Variants in NCAPD3 observed in about 807,000 individuals in gnomAD.
NCAPD3 encodes the protein non-SMC condensin II complex subunit D3.
NCAPD3 carries 105 observed loss-of-function variants against 182.9 expected under a neutral mutation model. The ratio of observed to expected loss-of-function variants is 0.57; its 90% CI spans 0.49 to 0.68. The LOEUF (loss-of-function observed/expected upper bound fraction) is 0.68, where lower values mean the gene tolerates loss of function less well. Ranked by LOEUF, NCAPD3 falls within the 30% of genes least tolerant of loss-of-function variation. NCAPD3 has a pLI of 0.00. For synonymous variants in NCAPD3, 815 were observed against 679.9 expected (o/e 1.20, Z -3.09); for missense variants, 1,944 against 1,837.0 (o/e 1.06, Z -1.07).
At chr11:134,202,456 T>C (rs1389044692) in intron 13 of NCAPD3, among the ~76,000 whole-genome samples, 1 of 152,200 alleles carries the variant, frequency 6.6e-6, no homozygotes, top group Non-Finnish European at 1.5e-5. Flanking sequence ...GAGCTCACTG[T>C]AGCCTGGAAC....
intron 24 of NCAPD3, among the ~76,000 whole-genome samples, chr11:134,173,919 C>T (rs978494781): frequency 6.6e-6 from 1 of 151,558 alleles, no homozygotes; most frequent in African/African-American, 2.4e-5. Flanking sequence ...CGAGATCATG[C>T]CATTGCACTC....
chr11:134,205,529 G>A (rs375526133), intron 8 of NCAPD3, among the ~76,000 whole-genome samples: 148 of 151,944 alleles, frequency 9.7e-4, no homozygotes, highest in African/African-American at 3.3e-3. Context: ...ACAGGTGCCC[G>A]CCACCACGCC....
rs372398621 is a variant in NCAPD3, at chr11:134,158,018, C to T, written c.4084G>A (p.Val1362Met). The change falls in exon 31 of 35, where the codon GTG becomes ATG. Residue 1362 changes from valine (V) to methionine (M), a missense_variant. Coordinates refer to ENST00000534548, the MANE Select transcript of NCAPD3 (RefSeq NM_015261.3). Reference sequence around the variant, plus strand: ...CTCCGATGCCTGCTCTTTGACTCCACGGCTTTCTTGACAGAATTCAGGATT... The same window carrying T: ...CTCCGATGCCTGCTCTTTGACTCCATGGCTTTCTTGACAGAATTCAGGATT... ...IAILNSVKKA[V>M]ESKSRHRSRS... is the part of the protein sequence containing the mutation. 108 of 1,614,060 alleles carry T rather than the reference C, an allele frequency of 6.7e-5. 1 individual carries two copies. In the East Asian group the frequency reaches 1.6e-3, roughly 24 times the overall value.
chr11:134,154,252 C>G (rs755088258), intron 32 of NCAPD3, among the ~76,000 whole-genome samples: 1 of 152,162 alleles, frequency 6.6e-6, no homozygotes, highest in Non-Finnish European at 1.5e-5. Context: ...CCCTGCATCA[C>G]TGGAGTTATG....
chr11:134,158,299 G>A, intron 30 of NCAPD3, 30 bp downstream of exon 30: 2 of 1,612,598 alleles, frequency 1.2e-6, no homozygotes, highest in Non-Finnish European at 1.7e-6. Flanking sequence ...CAGAGAACCA[G>A]CCCTGATGTG....
intron 19 of NCAPD3, among the ~76,000 whole-genome samples, chr11:134,183,926 T>C (rs1280934556): frequency 2.6e-5 from 4 of 152,262 alleles, no homozygotes; most frequent in African/African-American, 9.6e-5. Context: ...ATTATTTAAT[T>C]TTTGTTTTCT....
intron 24 of NCAPD3, among the ~76,000 whole-genome samples, chr11:134,171,586 A>G (rs1944006987): frequency 6.6e-6 from 1 of 152,164 alleles, no homozygotes; most frequent in African/African-American, 2.4e-5. Flanking sequence ...CATTTATACC[A>G]GAATTCTACC....
intron 13 of NCAPD3, among the ~76,000 whole-genome samples, chr11:134,201,901 T>A (rs1944756751): frequency 6.6e-6 from 1 of 152,234 alleles, no homozygotes; most frequent in Admixed American, 6.5e-5. Flanking sequence ...GAACCCAATT[T>A]CACGCTGACC....
At chr11:134,169,510 G>A (rs1377898575) in intron 24 of NCAPD3, among the ~76,000 whole-genome samples, 1 of 152,178 alleles carries the variant, frequency 6.6e-6, no homozygotes, top group African/African-American at 2.4e-5. Flanking sequence ...TTAGTAACTG[G>A]AACTTTTTTC....
At chr11:134,170,562 C>T (rs539444881) in intron 24 of NCAPD3, among the ~76,000 whole-genome samples, 5 of 152,310 alleles carry the variant, frequency 3.3e-5, no homozygotes, top group East Asian at 3.9e-4. Context: ...GTCACATATA[C>T]GAAAATGTAA....
At chr11:134,224,402 G>A (rs537092606), upstream of NCAPD3, 289 of 184,928 alleles carry the variant, frequency 1.6e-3, no homozygotes, top group Non-Finnish European at 2.5e-3. Flanking sequence ...TCGAGCTAAA[G>A]TAATAAGGGA....
chr11:134,166,687 GCA>G (rs1447235891), intron 27 of NCAPD3, among the ~76,000 whole-genome samples: 7 of 114,452 alleles, frequency 6.1e-5, no homozygotes, highest in African/African-American at 2.2e-4. Flanking sequence ...TGGGGGAGGG[GCA>G]CACTGAGTGA....
intron 2 of NCAPD3, among the ~76,000 whole-genome samples, chr11:134,219,915 C>G (rs1037985806): frequency 3.3e-5 from 5 of 152,066 alleles, no homozygotes; most frequent in African/African-American, 1.2e-4. Flanking sequence ...TCTGCCCCAG[C>G]CTCTCGAGTA....
In NCAPD3 at chr11:134,222,561, G is replaced by A. The variant is rs536747772; in HGVS notation, c.64+1302C>T. 1.4e-4 allele frequency among the ~76,000 whole-genome samples: 21 copies of A among 152,272 alleles called. No homozygotes were observed. In the South Asian group the frequency reaches 3.9e-3, roughly 29 times the overall value. ...TAATGTGTATAAAGGCCCTAACAAT[G>A]TGCTAGCCACATAAAAAACAGTCAA... On this transcript the variant is annotated intron_variant, in intron 1 of 34. Coordinates refer to ENST00000534548, the MANE Select transcript of NCAPD3 (RefSeq NM_015261.3).
At chr11:134,210,771 A>G (rs1406620747) in intron 3 of NCAPD3, among the ~76,000 whole-genome samples, 1 of 152,218 alleles carries the variant, frequency 6.6e-6, no homozygotes, top group East Asian at 1.9e-4. Context: ...AAGAAGGGCA[A>G]TCCCTGAAAA....
At chr11:134,208,820 CTTCGA>C in intron 7 of NCAPD3, 39 bp downstream of exon 7, 1 of 1,341,762 alleles carries the variant, frequency 7.5e-7, no homozygotes, top group Non-Finnish European at 1.1e-6. Context: ...GTTCATGTGC[CTTCGA>C]TTCAACTAGT....
intron 24 of NCAPD3, among the ~76,000 whole-genome samples, chr11:134,174,380 CTCAAAA>C (rs1944105033): frequency 2.0e-5 from 1 of 50,594 alleles, no homozygotes; most frequent in African/African-American, 1.1e-4. Flanking sequence ...GAGACCCTGT[CTCAAAA>C]AAAAAAAAAA....
chr11:134,189,182 TA>T (rs1944473666), intron 16 of NCAPD3, among the ~76,000 whole-genome samples: 1 of 152,262 alleles, frequency 6.6e-6, no homozygotes, highest in Admixed American at 6.5e-5. Flanking sequence ...TTTGTAGTTG[TA>T]TCACCCATTT....
At position 134,153,313 on chromosome 11, in the gene NCAPD3, G is replaced by T; in HGVS notation, c.4303C>A (p.Pro1435Thr). 1 of 1,614,198 alleles carries T rather than the reference G, an allele frequency of 6.2e-7. No homozygotes were observed. Among genetic ancestry groups the T allele is most frequent in the Non-Finnish European group, 8.5e-7 (1 of 1,180,032 alleles). ...FGAGVSYIGT[P>T]RTPSSAKEKI... ...CCTTTGGCTGACGACGGAGTCCGTG[G>T]TGTCCCGATGTAACTGACCCCTGCT... The change falls in exon 33 of 35, where the codon CCA becomes ACA. Residue 1435 changes from proline (P) to threonine (T), a missense_variant. By Grantham distance (38) the Pro-to-Thr change is conservative (BLOSUM62 -1). Transcript: ENST00000534548.
Sources: gnomAD v4.1 joint callset for allele counts (sites outside exome capture counted in the v4.1 genomes callset) on GRCh38, gnomAD v4.1.1 for gene constraint, MANE v1.5 for transcripts, NCBI Gene and HGNC (gene_info 2026-07-23, HGNC 2026-07-21) for gene names.